The following PCBP3 variants were observed in gnomAD, a reference collection of about 807,000 sequenced individuals.
The protein encoded by PCBP3 is poly(rC)-binding protein 3.
PCBP3 carries 25 observed loss-of-function variants against 52.7 expected under a neutral mutation model. The ratio of observed to expected loss-of-function variants is 0.47; its 90% CI spans 0.35 to 0.66. PCBP3 has a LOEUF of 0.66. Ranked by LOEUF, PCBP3 falls within the 30% of genes least tolerant of loss-of-function variation. The pLI, the probability that PCBP3 is intolerant of heterozygous loss-of-function variation, is 0.01. For missense variants in PCBP3, 391 were observed against 490.3 expected, an observed-to-expected ratio of 0.80 and a Z score of 1.91; for synonymous variants, 162 against 183.0, an observed-to-expected ratio of 0.89 and a Z score of 0.93.
chr21:45,773,492 T>C (rs1367662395), intron 4 of PCBP3, among the ~76,000 whole-genome samples: 4 of 152,266 alleles, frequency 2.6e-5, no homozygotes, highest in African/African-American at 9.6e-5. Context: ...TGTCTTCTTT[T>C]AAGAAATGTC....
intron 4 of PCBP3, among the ~76,000 whole-genome samples, chr21:45,846,445 G>A (rs540650982): frequency 1.3e-5 from 2 of 149,708 alleles, no homozygotes; most frequent in Admixed American, 6.6e-5. Context: ...TTTTTTTAAC[G>A]AATGTTTCAA....
intron 1 of PCBP3, among the ~76,000 whole-genome samples, chr21:45,659,458 TC>T (rs35625592): frequency 1.3e-5 from 2 of 150,858 alleles, no homozygotes. Context: ...CAAACGATCT[TC>T]CCACCTCATC....
chr21:45,682,971 A>G (rs967189253), intron 2 of PCBP3, among the ~76,000 whole-genome samples: 1 of 152,130 alleles, frequency 6.6e-6, no homozygotes, highest in Non-Finnish European at 1.5e-5. Context: ...AGTACCAAGA[A>G]CCTAACCCTG....
chr21:45,715,423 A>C (rs964108445), intron 2 of PCBP3, among the ~76,000 whole-genome samples: 2 of 152,232 alleles, frequency 1.3e-5, no homozygotes, highest in African/African-American at 4.8e-5. Context: ...AGTTTTTGGT[A>C]TTAATATATT....
chr21:45,676,343 A>G (rs2081459017), intron 2 of PCBP3, among the ~76,000 whole-genome samples: 1 of 151,248 alleles, frequency 6.6e-6, no homozygotes, highest in Non-Finnish European at 1.5e-5. Flanking sequence ...TATAGGCATC[A>G]CTCATTTTAT....
intron 9 of PCBP3, among the ~76,000 whole-genome samples, chr21:45,907,107 A>G (rs898268032): frequency 6.6e-6 from 1 of 152,160 alleles, no homozygotes; most frequent in Non-Finnish European, 1.5e-5. Flanking sequence ...TGGACCCAGG[A>G]TCTTTCTATG....
rs2149267643 is a variant in PCBP3 at position 45,911,037 on chromosome 21, T to C, written c.600+7T>C. The C allele has an allele frequency of 6.2e-7, 1 of 1,608,380 alleles. No homozygotes were observed. The highest frequency in any genetic ancestry group is 8.5e-7 in the Non-Finnish European group (1 of 1,179,892). Reference sequence around the variant, plus strand: ...CTGTGTGGTCATGCTGGAGGTACCGTCTGCGCGCCAGGGCCAGCCCACGTC... The same window carrying C: ...CTGTGTGGTCATGCTGGAGGTACCGCCTGCGCGCCAGGGCCAGCCCACGTC... On this transcript the variant is annotated splice_region_variant and intron_variant, in intron 11 of 17. Coordinates refer to ENST00000681687, the MANE Select transcript of PCBP3 (RefSeq NM_001384156.1).
chr21:45,786,379 C>G (rs1019660258), intron 4 of PCBP3, among the ~76,000 whole-genome samples: 2 of 151,896 alleles, frequency 1.3e-5, no homozygotes, highest in Admixed American at 1.3e-4. Context: ...CAGCCTCTAC[C>G]TCCTGGGTTC....
At chr21:45,773,627 T>G (rs967036104) in intron 4 of PCBP3, among the ~76,000 whole-genome samples, 3 of 152,250 alleles carry the variant, frequency 2.0e-5, no homozygotes. Flanking sequence ...GCCATACTGT[T>G]CTGGTTACTG....
intron 2 of PCBP3, among the ~76,000 whole-genome samples, chr21:45,719,588 G>A (rs536113703): frequency 1.3e-5 from 2 of 152,196 alleles, no homozygotes; most frequent in African/African-American, 4.8e-5. Context: ...TAGTGAGTGA[G>A]TCTCACGAGA....
chr21:45,894,514 G>A (rs770627155), intron 5 of PCBP3, among the ~76,000 whole-genome samples: 2 of 152,056 alleles, frequency 1.3e-5, no homozygotes, highest in African/African-American at 2.4e-5. Context: ...CTTCTCAGGG[G>A]CCACGCCATG....
intron 11 of PCBP3, 95 bp downstream of exon 11, chr21:45,911,125 A>T: frequency 7.0e-7 from 1 of 1,419,270 alleles, no homozygotes; most frequent in Non-Finnish European, 9.8e-7. Flanking sequence ...CGCCCCAAGG[A>T]CTCACACAGT....
chr21:45,910,978 C>G lies in PCBP3; in HGVS notation c.548C>G (p.Thr183Ser). 1 of 1,612,112 alleles carries G rather than the reference C, an allele frequency of 6.2e-7. No individual in the cohort carries two copies. Among genetic ancestry groups the G allele is most frequent in the Non-Finnish European group, 8.5e-7 (1 of 1,179,896 alleles). ...STERAVTISG[T>S]PDAIIQCVKQ... Reference sequence around the variant, plus strand: ...GAGCGAGCGGTGACCATCTCGGGGACCCCAGATGCCATCATCCAGTGCGTC... The same window carrying G: ...GAGCGAGCGGTGACCATCTCGGGGAGCCCAGATGCCATCATCCAGTGCGTC... The change falls in exon 11 of 18, where the codon ACC becomes AGC. Residue 183 changes from threonine (T) to serine (S), a missense_variant. Thr to Ser is a moderately conservative substitution (Grantham distance 58). Transcript: ENST00000681687.
At position 45,917,648 on chromosome 21, in the gene PCBP3, T is replaced by C. The variant is rs201402586; in HGVS notation, c.717+19T>C. The stretch of plus-strand genomic sequence containing the variant: ...CCCGGATGTGAGTCTTCACTTTGTC[T>C]TCCTCTCACCTTTCTCTTCTCATGG... On this transcript the variant is annotated intron_variant, in intron 13 of 17. Coordinates refer to ENST00000681687, the MANE Select transcript of PCBP3 (RefSeq NM_001384156.1). The surrounding 1 kb of genome is among the most constrained non-coding windows in gnomAD (Gnocchi z 5.3). 247 of 1,598,450 alleles carry C rather than the reference T, an allele frequency of 1.5e-4. 2 individuals are homozygous for C. In the African/African-American group the frequency reaches 2.9e-3, roughly 18 times the overall value.
chr21:45,664,846 C>T (rs1339212779), intron 1 of PCBP3, among the ~76,000 whole-genome samples: 1 of 148,648 alleles, frequency 6.7e-6, no homozygotes, highest in African/African-American at 2.5e-5. Context: ...CAATTCCCAC[C>T]TATGAGTGAG....
At chr21:45,816,550 A>G (rs1484412184) in intron 4 of PCBP3, among the ~76,000 whole-genome samples, 1 of 130,410 alleles carries the variant, frequency 7.7e-6, no homozygotes, top group Admixed American at 8.0e-5. Flanking sequence ...AAAAACTGAG[A>G]CACACACACA....
intron 2 of PCBP3, among the ~76,000 whole-genome samples, chr21:45,711,514 C>G (rs1345070628): frequency 1.3e-5 from 2 of 152,152 alleles, no homozygotes; most frequent in African/African-American, 4.8e-5. Flanking sequence ...AATTGTTCAC[C>G]TTTAGTATAC....
At chr21:45,923,042 C>T (rs2074684635) in intron 13 of PCBP3, among the ~76,000 whole-genome samples, 1 of 152,278 alleles carries the variant, frequency 6.6e-6, no homozygotes. Flanking sequence ...GGCCCTTCAT[C>T]CCAGCTGTGC....
Position 45,745,137 on chromosome 21 carries a change from C to T in PCBP3, c.-162+9708C>T, listed in dbSNP as rs78129080. ...CTGTGGTCCTGGGAGATGGAGTGAT[C>T]GCTCTGGAAGAAAAACATTCTGGAG... On this transcript the variant is annotated intron_variant, in intron 3 of 17. Transcript: ENST00000681687. Among the ~76,000 whole-genome samples the T allele has an allele frequency of 3.5e-3, 533 of 152,246 alleles. 2 individuals are homozygous for T. The highest frequency in any genetic ancestry group is 0.011 in the African/African-American group (477 of 41,538).
Sources: allele counts gnomAD v4.1 joint callset (sites outside exome capture counted in the v4.1 genomes callset), GRCh38; gene constraint gnomAD v4.1.1; non-coding constraint Gnocchi (gnomAD v3.1); transcripts MANE v1.5; gene names NCBI Gene and HGNC (gene_info 2026-07-23, HGNC 2026-07-21).